The following OPCML variants were observed in gnomAD, a reference collection of about 807,000 sequenced individuals.
OPCML encodes the protein opioid-binding protein/cell adhesion molecule.
OPCML carries 13 observed loss-of-function variants against 37.8 expected under a neutral mutation model. The observed-to-expected ratio is 0.34, with a 90% confidence interval of 0.22 to 0.55. The LOEUF (loss-of-function observed/expected upper bound fraction) is 0.55. Among genes scored for constraint, OPCML ranks in the 20% least tolerant of loss-of-function variants. OPCML has a pLI of 0.91. For synonymous variants in OPCML, 176 were observed against 168.8 expected (o/e 1.04, Z -0.33); for missense variants, 341 against 435.6 (o/e 0.78, Z 1.93).
intron 3 of OPCML, among the ~76,000 whole-genome samples, chr11:132,530,955 T>G (rs537303954): frequency 1.3e-5 from 2 of 152,288 alleles, no homozygotes; most frequent in African/African-American, 4.8e-5. Flanking sequence ...CCATTTGCCC[T>G]GACCTCTCCC....
At chr11:133,458,248 A>C (rs563240741) in intron 1 of OPCML, among the ~76,000 whole-genome samples, 1,428 of 68,328 alleles carry the variant, frequency 0.021, 92 homozygotes, top group Middle Eastern at 0.045. Flanking sequence ...ATATATACAC[A>C]TATATATACA....
intron 2 of OPCML, among the ~76,000 whole-genome samples, chr11:132,697,540 T>C (rs1398622123): frequency 6.6e-6 from 1 of 152,226 alleles, no homozygotes; most frequent in African/African-American, 2.4e-5. Flanking sequence ...AATTTTGTCT[T>C]CCTATGCCCG....
At chr11:133,342,636 G>A (rs1943899199) in intron 1 of OPCML, among the ~76,000 whole-genome samples, 2 of 152,206 alleles carry the variant, frequency 1.3e-5, no homozygotes, top group Non-Finnish European at 2.9e-5. Flanking sequence ...TGTGAAGAGG[G>A]AGGGCGAAGA....
intron 1 of OPCML, among the ~76,000 whole-genome samples, chr11:133,079,601 C>T (rs74534072): frequency 0.025 from 3,837 of 152,272 alleles, 155 homozygotes; most frequent in African/African-American, 0.087. Context: ...CTGCAAAGTG[C>T]ACAGCCAGGC....
intron 3 of OPCML, among the ~76,000 whole-genome samples, chr11:132,596,211 A>G (rs1219866039): frequency 1.3e-5 from 2 of 152,214 alleles, no homozygotes; most frequent in African/African-American, 2.4e-5. Flanking sequence ...TAAATAATCA[A>G]TAAAATTTGG....
intron 3 of OPCML, among the ~76,000 whole-genome samples, chr11:132,620,102 CCACTGTGTAAGCAATTT>C (rs11275069): frequency 0.094 from 14,290 of 152,032 alleles, 868 homozygotes; most frequent in African/African-American, 0.17. Context: ...TGAATAGTAA[CCACTGTGTAAGCAATTT>C]CACATGAGAT....
At chr11:132,916,748 T>C (rs61906928) in intron 2 of OPCML, among the ~76,000 whole-genome samples, 37,284 of 151,770 alleles carry the variant, frequency 0.25, 7,967 homozygotes, top group African/African-American at 0.57. Context: ...TTTGTAGGGG[T>C]GTTCGAGTGA....
intron 1 of OPCML, among the ~76,000 whole-genome samples, chr11:133,038,009 G>A (rs556360305): frequency 6.6e-6 from 1 of 152,232 alleles, no homozygotes; most frequent in Non-Finnish European, 1.5e-5. Flanking sequence ...GGAGGAGGAT[G>A]TGCAATCACT....
At chr11:133,003,409 C>T (rs1259430531) in intron 1 of OPCML, among the ~76,000 whole-genome samples, 2 of 152,162 alleles carry the variant, frequency 1.3e-5, no homozygotes, top group Non-Finnish European at 2.9e-5. Flanking sequence ...CTTCAAATCT[C>T]TCTCTGCTGT....
intron 1 of OPCML, among the ~76,000 whole-genome samples, chr11:133,237,528 C>T (rs1207134701): frequency 1.3e-5 from 2 of 152,164 alleles, no homozygotes; most frequent in African/African-American, 2.4e-5. Context: ...GGATGCAAGA[C>T]CTTCTGACAC....
At chr11:133,364,580 C>T (rs1191365006) in intron 1 of OPCML, among the ~76,000 whole-genome samples, 1 of 152,090 alleles carries the variant, frequency 6.6e-6, no homozygotes, top group Non-Finnish European at 1.5e-5. Flanking sequence ...TCAGACTGGG[C>T]CTCAGTTTTT....
chr11:133,508,076 G>A lies in OPCML; in HGVS notation c.61+24188C>T, dbSNP rs148374969. On this transcript the variant is annotated intron_variant, in intron 1 of 7. Coordinates refer to ENST00000524381, the MANE Select transcript of OPCML (RefSeq NM_001012393.5). ...AATATTAATATCTGATTTCCTACCCGGATCAACTACATCAGAATTCAGGGA... is the reference window on the plus strand; with the variant it reads ...AATATTAATATCTGATTTCCTACCCAGATCAACTACATCAGAATTCAGGGA... Among the ~76,000 whole-genome samples, 271 of 152,218 alleles carry A rather than the reference G, an allele frequency of 1.8e-3. 2 individuals carry two copies. The highest frequency in any genetic ancestry group is 6.0e-3 in the African/African-American group (248 of 41,528).
intron 2 of OPCML, among the ~76,000 whole-genome samples, chr11:132,678,377 A>G (rs1942800753): frequency 6.6e-6 from 1 of 152,198 alleles, no homozygotes; most frequent in South Asian, 2.1e-4. Context: ...TTATAATCCA[A>G]CAAATGTCCT....
At chr11:132,612,234 C>T (rs894777218) in intron 3 of OPCML, among the ~76,000 whole-genome samples, 4 of 152,180 alleles carry the variant, frequency 2.6e-5, no homozygotes, top group Non-Finnish European at 4.4e-5. Flanking sequence ...CATCCAAAAA[C>T]CTTTTTCCCT....
intron 1 of OPCML, among the ~76,000 whole-genome samples, chr11:133,093,303 A>G (rs1028884607): frequency 1.4e-5 from 2 of 139,410 alleles, no homozygotes; most frequent in Middle Eastern, 4.3e-3. Context: ...TTTAAAATTT[A>G]CTTTAAGTTC....
At chr11:132,773,399 G>C (rs954059119) in intron 2 of OPCML, 1 of 152,058 alleles carries the variant, frequency 6.6e-6, no homozygotes, top group Non-Finnish European at 1.5e-5. Flanking sequence ...CCGTGTGTCT[G>C]ATTGCTTCAC....
chr11:132,775,797 T>A (rs574573333), intron 2 of OPCML, among the ~76,000 whole-genome samples: 2 of 152,216 alleles, frequency 1.3e-5, no homozygotes, highest in Admixed American at 1.3e-4. Flanking sequence ...AGGTGTCATA[T>A]GGGACACTAG....
intron 1 of OPCML, among the ~76,000 whole-genome samples, chr11:133,478,747 G>A (rs1591544659): frequency 6.6e-6 from 1 of 152,100 alleles, no homozygotes; most frequent in East Asian, 1.9e-4. Flanking sequence ...CTATTGTGAG[G>A]TTTCAATTGC....
chr11:133,128,744 C>T (rs947285132), intron 1 of OPCML, among the ~76,000 whole-genome samples: 1 of 152,124 alleles, frequency 6.6e-6, no homozygotes, highest in South Asian at 2.1e-4. Flanking sequence ...CTGAGAAAAG[C>T]TGCATCTTTA....
Sources: gnomAD v4.1 joint callset for allele counts (sites outside exome capture counted in the v4.1 genomes callset) on GRCh38, gnomAD v4.1.1 for gene constraint, MANE v1.5 for transcripts, NCBI Gene and HGNC (gene_info 2026-07-23, HGNC 2026-07-21) for gene names.